The following UGGT2 variants were observed in gnomAD, a reference collection of about 807,000 sequenced individuals.
UGGT2 encodes the protein UDP-glucose:glycoprotein glucosyltransferase 2.
UGGT2 carries 180 observed loss-of-function variants against 192.1 expected under a neutral mutation model. That is an observed-to-expected ratio of 0.94 (90% CI 0.83 to 1.06). The LOEUF (loss-of-function observed/expected upper bound fraction) is 1.06, where lower values mean the gene tolerates loss of function less well. Ranked by LOEUF, UGGT2 falls within the 50% of genes least tolerant of loss-of-function variation. The pLI is 0.00. For missense variants in UGGT2, 1,849 were observed against 1,795.7 expected (o/e 1.03, Z -0.54); for synonymous variants, 580 against 591.0 (o/e 0.98, Z 0.27).
intron 33 of UGGT2, among the ~76,000 whole-genome samples, chr13:95,857,718 A>G (rs1322224851): frequency 6.6e-6 from 1 of 152,142 alleles, no homozygotes; most frequent in Admixed American, 6.6e-5. Context: ...CAAAAGAAAA[A>G]TTTTGAATGA....
At chr13:95,805,912 G>A (rs561115344) in intron 38 of UGGT2, among the ~76,000 whole-genome samples, 5 of 151,668 alleles carry the variant, frequency 3.3e-5, no homozygotes, top group East Asian at 3.9e-4. Flanking sequence ...ATCTTGTTAC[G>A]TGATTTTTTT....
intron 1 of UGGT2, among the ~76,000 whole-genome samples, chr13:96,036,731 T>C (rs1008443634): frequency 1.3e-5 from 2 of 152,198 alleles, no homozygotes; most frequent in African/African-American, 4.8e-5. Context: ...CTGCACCTGG[T>C]AAAAGGTAAG....
At chr13:95,841,669 C>T (rs1266811924) in intron 36 of UGGT2, among the ~76,000 whole-genome samples, 3 of 152,150 alleles carry the variant, frequency 2.0e-5, no homozygotes, top group African/African-American at 4.8e-5. Context: ...TTCTTGTGTC[C>T]TTTAAAGCAT....
chr13:95,886,898 A>C (rs2047661049), intron 26 of UGGT2, among the ~76,000 whole-genome samples: 1 of 151,888 alleles, frequency 6.6e-6, no homozygotes, highest in South Asian at 2.1e-4. Flanking sequence ...AAAACAAAAC[A>C]AAACAAAAAA....
At chr13:95,982,271 A>C (rs1433099091) in intron 10 of UGGT2, among the ~76,000 whole-genome samples, 1 of 152,222 alleles carries the variant, frequency 6.6e-6, no homozygotes, top group Non-Finnish European at 1.5e-5. Context: ...TTTTCTAACA[A>C]AGAACAGCCT....
intron 24 of UGGT2, among the ~76,000 whole-genome samples, chr13:95,892,425 A>T (rs1258259255): frequency 6.6e-6 from 1 of 152,122 alleles, no homozygotes; most frequent in East Asian, 1.9e-4. Context: ...TTGCCAAAAA[A>T]CTATTGATAC....
At chr13:95,870,837 T>C (rs1340064527) in intron 29 of UGGT2, among the ~76,000 whole-genome samples, 1 of 152,188 alleles carries the variant, frequency 6.6e-6, no homozygotes, top group African/African-American at 2.4e-5. Flanking sequence ...TAATAGGTGA[T>C]TATAGGTGAT....
intron 10 of UGGT2, among the ~76,000 whole-genome samples, chr13:95,975,920 T>C (rs529440257): frequency 2.6e-5 from 4 of 152,280 alleles, no homozygotes; most frequent in East Asian, 1.9e-4. Context: ...AGCAGGGTAA[T>C]TGGGATATCC....
intron 20 of UGGT2, among the ~76,000 whole-genome samples, chr13:95,918,668 C>T (rs1329850933): frequency 6.6e-6 from 1 of 151,946 alleles, no homozygotes; most frequent in Non-Finnish European, 1.5e-5. Flanking sequence ...ATCCAATAAA[C>T]ACAATCAGCA....
rs769558627 is a variant in UGGT2, at chr13:95,884,616, G to A, written c.3103C>T (p.Pro1035Ser). ...SGANDVSSLGPVAKFLDIPES... is the reference protein window; with the variant it reads ...SGANDVSSLGSVAKFLDIPES... ...GGAATATCCAAAAATTTTGCCACTGGTCCAAGAGAAGAAACGTCATTAGCC... is the reference window on the plus strand; with the variant it reads ...GGAATATCCAAAAATTTTGCCACTGATCCAAGAGAAGAAACGTCATTAGCC... The change falls in exon 27 of 39, where the codon CCA becomes TCA. Residue 1035 changes from proline to serine, a missense_variant. By Grantham distance (74) the Pro-to-Ser change is moderately conservative (BLOSUM62 -1). Transcript: ENST00000376747. The A allele has an allele frequency of 1.2e-6, 2 of 1,613,870 alleles. No individual in the cohort carries two copies. Among genetic ancestry groups the A allele is most frequent in the Non-Finnish European group, 1.7e-6 (2 of 1,179,870 alleles).
chr13:95,887,226 G>A (rs1288989411), intron 26 of UGGT2: 2 of 491,256 alleles, frequency 4.1e-6, no homozygotes, highest in Non-Finnish European at 8.2e-6. Flanking sequence ...ACAGAGATGA[G>A]CACATTAAAA....
intron 36 of UGGT2, among the ~76,000 whole-genome samples, chr13:95,839,756 C>G (rs1306450443): frequency 6.6e-6 from 1 of 152,088 alleles, no homozygotes; most frequent in Non-Finnish European, 1.5e-5. Context: ...CAAATAGGAG[C>G]GTATCATGGT....
intron 17 of UGGT2, among the ~76,000 whole-genome samples, chr13:95,932,982 T>C (rs2049338802): frequency 6.6e-6 from 1 of 152,238 alleles, no homozygotes; most frequent in East Asian, 1.9e-4. Context: ...GGATTCAGTT[T>C]GCTAGTATTT....
At chr13:95,832,587 CT>C in intron 38 of UGGT2, 1 of 343,036 alleles carries the variant, frequency 2.9e-6, no homozygotes, top group Non-Finnish European at 5.7e-6. Flanking sequence ...ATTTTTAGGA[CT>C]TGCTCAAATT....
Position 95,969,980 on chromosome 13 carries a change from T to A in UGGT2, c.1335+132A>T, listed in dbSNP as rs1013203468. On this transcript the variant is annotated intron_variant, in intron 12 of 38. Coordinates refer to ENST00000376747, the MANE Select transcript of UGGT2 (RefSeq NM_020121.4). ...AGTGGGAGAGGAGATGGGTCTATAG[T>A]TTGACTTTCTCTTTTCACTGAGAAC... is the stretch of plus-strand genomic sequence containing the variant. 19 of 915,882 alleles carry A rather than the reference T, an allele frequency of 2.1e-5. No homozygotes were observed. The Middle Eastern group carries it at 8.7e-4, about 42-fold the overall frequency. 56.7% of individuals were successfully genotyped at this position (915,882 alleles called of 1,614,324 possible).
intron 1 of UGGT2, among the ~76,000 whole-genome samples, chr13:96,037,762 G>C (rs2053047431): frequency 6.6e-6 from 1 of 152,136 alleles, no homozygotes. Context: ...CCTATTCAAT[G>C]CTCTTCAATT....
chr13:95,869,318 C>T (rs561400110), intron 29 of UGGT2, among the ~76,000 whole-genome samples: 30 of 152,110 alleles, frequency 2.0e-4, no homozygotes, highest in Non-Finnish European at 3.2e-4. Flanking sequence ...TCCAAGTCTT[C>T]GCTATTGTGA....
At chr13:95,909,940 C>T (rs996445255) in intron 20 of UGGT2, among the ~76,000 whole-genome samples, 4 of 151,864 alleles carry the variant, frequency 2.6e-5, no homozygotes, top group African/African-American at 9.7e-5. Context: ...CAATATTCAA[C>T]ATTCTTAAAG....
At chr13:95,981,744 C>T (rs2051132972) in intron 10 of UGGT2, among the ~76,000 whole-genome samples, 1 of 152,166 alleles carries the variant, frequency 6.6e-6, no homozygotes, top group South Asian at 2.1e-4. Flanking sequence ...AGGGCTTTCT[C>T]GTGTCCAATC....
Sources: allele counts gnomAD v4.1 joint callset (sites outside exome capture counted in the v4.1 genomes callset), GRCh38; gene constraint gnomAD v4.1.1; transcripts MANE v1.5; gene names NCBI Gene and HGNC (gene_info 2026-07-23, HGNC 2026-07-21).